The following IPO4 variants were observed in gnomAD, a reference collection of about 807,000 sequenced individuals.
The protein encoded by IPO4 is importin-4.
IPO4 carries 91 observed loss-of-function variants against 133.5 expected under a neutral mutation model. That is an observed-to-expected ratio of 0.68 (90% CI 0.58 to 0.81). The LOEUF is 0.81. IPO4 is among the 30% of genes least tolerant of loss of function. The probability of loss-of-function intolerance (pLI) is 0.00; values close to 1 mark genes in which losing one functional copy is unlikely to be tolerated. For synonymous variants in IPO4, 607 were observed against 581.6 expected (o/e 1.04, Z -0.63); for missense variants, 1,279 against 1,386.2 (o/e 0.92, Z 1.23).
Position 24,185,974 on chromosome 14 carries a change from G to C in IPO4, c.1060-4C>G, listed in dbSNP as rs761093614. The C allele has an allele frequency of 2.5e-6, 4 of 1,613,182 alleles. No homozygotes were observed. In the African/African-American group the frequency reaches 5.3e-5, roughly 22 times the overall value. On this transcript the variant is annotated splice_polypyrimidine_tract_variant and splice_region_variant and intron_variant, in intron 11 of 29. Transcript: ENST00000354464. ...AAGCCTCTTCCAACATGGGCATCTA[G>C]GGAAGCATGTGGCACGCTTCTGAAA...
In IPO4 at chr14:24,182,183, A is replaced by C; in HGVS notation, c.2599-20T>G. On this transcript the variant is annotated intron_variant, in intron 25 of 29. Transcript: ENST00000354464. ...CTGTTTCTGATGGGGGAGAACAGGA[A>C]GGAGTACAGATCAGCCTGGGCCAAG... 2 of 1,614,076 alleles carry C rather than the reference A, an allele frequency of 1.2e-6. No individual in the cohort carries two copies. Among genetic ancestry groups the C allele is most frequent in the Non-Finnish European group, 1.7e-6 (2 of 1,179,958 alleles).
Position 24,186,180 on chromosome 14 carries a change from A to G in IPO4, c.1008T>C (p.Val336=). 6.2e-7 allele frequency: 1 copy of G among 1,613,922 alleles called. No individual in the cohort carries two copies. The highest frequency in any genetic ancestry group is 8.5e-7 in the Non-Finnish European group (1 of 1,179,916). ...GCAGGTGTAGTGCCAGCATGTCCACAACCTGAGATGGGATGGGGAGACTTA... is the reference window on the plus strand; with the variant it reads ...GCAGGTGTAGTGCCAGCATGTCCACGACCTGAGATGGGATGGGGAGACTTA... ...GETPKHFAVQ[V]VDMLALHLPP... The change falls in exon 11 of 30, where the codon GTT becomes GTC. Residue 336 remains valine (V), a splice_region_variant and synonymous_variant. Transcript: ENST00000354464.
At position 24,185,807 on chromosome 14, in the gene IPO4, C is replaced by T. The variant is rs2039211608; in HGVS notation, c.1169+54G>A. On this transcript the variant is annotated intron_variant, in intron 12 of 29. Coordinates refer to ENST00000354464, the MANE Select transcript of IPO4 (RefSeq NM_024658.4). ...CTTGAACAACAAGCGTAAACCAGGA[C>T]AGCCATGGTCCTCCCTGTGGGCAAC... 5 of 1,339,616 alleles carry T rather than the reference C, an allele frequency of 3.7e-6. No homozygotes were observed. In the South Asian group the frequency reaches 4.7e-5, roughly 12 times the overall value. The allele number at this position is 1,339,616 out of a possible 1,614,324, so 83.0% of individuals were successfully genotyped here.
chr14:24,182,564 C>A (rs1555352665), intron 24 of IPO4, 161 bp from the exon 25 acceptor site: 1 of 1,065,426 alleles, frequency 9.4e-7, no homozygotes, highest in Non-Finnish European at 1.4e-6. Flanking sequence ...GCTTCTTCCC[C>A]TGGCTCTTCT....
rs1446346951 is a variant in IPO4 at position 24,186,343 on chromosome 14, CTTCTGAA to C, written c.942_948del (p.Asp314GlufsTer9). On this transcript the variant is annotated frameshift_variant, in exon 10 of 30. Transcript: ENST00000354464. LOFTEE classifies it high-confidence loss of function. The stretch of plus-strand genomic sequence containing the variant: ...ATCAGCTCAATCTCCAACTCTTCCT[CTTCTGAA>C]TCCTGGTCCTCGGGATCCAACTGGC... 1.9e-6 allele frequency: 3 copies of C among 1,613,052 alleles called. No homozygotes were observed. Among genetic ancestry groups the C allele is most frequent in the Non-Finnish European group, 2.5e-6 (3 of 1,179,492 alleles).
chr14:24,182,601 C>T (rs1180205211), intron 24 of IPO4, 191 bp downstream of exon 24: 8 of 947,246 alleles, frequency 8.4e-6, no homozygotes, highest in Non-Finnish European at 1.2e-5. Flanking sequence ...CCAAGCACAC[C>T]CCAGTCCACA....
chr14:24,186,046 T>C (rs1458371613), intron 11 of IPO4, 76 bp from the exon 12 acceptor site: 3 of 1,596,500 alleles, frequency 1.9e-6, no homozygotes, highest in Non-Finnish European at 2.6e-6. Context: ...CCTTCACACC[T>C]CCCAGGGTCT....
rs1217739741 is a variant in IPO4 at position 24,182,393 on chromosome 14, T to C, written c.2483A>G (p.Asp828Gly). 2 of 1,611,202 alleles carry C rather than the reference T, an allele frequency of 1.2e-6. No individual in the cohort carries two copies. The highest frequency in any genetic ancestry group is 1.7e-6 in the Non-Finnish European group (2 of 1,178,938). Residue 828 changes from aspartate to glycine, a missense_variant, in exon 25 of 30, where the codon GAC (aspartate) becomes GGC (glycine). Around this residue, in one of 3 missense-constraint regions of IPO4, gnomAD observed 575 missense variants for 653.4 expected, o/e 0.88. Coordinates refer to ENST00000354464, the MANE Select transcript of IPO4 (RefSeq NM_024658.4). ...EEEDDDQAEY[D>G]AMLLEHAGEA... Reference sequence around the variant, plus strand: ...TCCAGCGTGCTCCAGCAACATGGCGTCGTATTCAGCCTGTGGAGCCAGGTC... The same window carrying C: ...TCCAGCGTGCTCCAGCAACATGGCGCCGTATTCAGCCTGTGGAGCCAGGTC...
chr14:24,185,517 G>A lies in IPO4; in HGVS notation c.1220C>T (p.Ser407Leu), dbSNP rs533823461. Residue 407 changes from serine to leucine, a missense_variant, in exon 13 of 30, where the codon TCG becomes TTG. Coordinates refer to ENST00000354464, the MANE Select transcript of IPO4 (RefSeq NM_024658.4). ...QIVCKGLEDP[S>L]QVVRNAALFA... ...CAGCGCAGCATTGCGTACAACTTGC[G>A]AGGGGTCCTCCAGGCCCTTGCACAC... is the stretch of plus-strand genomic sequence containing the variant. 11 of 1,614,190 alleles carry A rather than the reference G, an allele frequency of 6.8e-6. No homozygotes were observed. The highest frequency in any genetic ancestry group is 4.5e-5 in the East Asian group (2 of 44,888).
rs1223567783 is a variant in IPO4, at chr14:24,184,189, C to G, written c.1758-80G>C. ...GATGGGGGAGCCCGGGAACACCTGG[C>G]TATGGTCCAAACCAGACGACTGGAG... On this transcript the variant is annotated intron_variant, in intron 17 of 29. Coordinates refer to ENST00000354464, the MANE Select transcript of IPO4 (RefSeq NM_024658.4). 3 of 1,568,604 alleles carry G rather than the reference C, an allele frequency of 1.9e-6. No individual in the cohort carries two copies. In the African/African-American group the frequency reaches 4.1e-5, roughly 21 times the overall value.
In IPO4 at chr14:24,183,495, GT is replaced by G. The variant is rs1468509545; in HGVS notation, c.2081del (p.Tyr694SerfsTer18). 1.2e-6 allele frequency: 2 copies of G among 1,613,912 alleles called. No homozygotes were observed. The highest frequency in any genetic ancestry group is 1.7e-6 in the Non-Finnish European group (2 of 1,179,914). ...SVNTSVAFLPYMESVFEEVFK... is the reference protein window; with the variant it reads ...SVNTSVAFLPXMESVFEEVFK... ...ATACTTCTTCAAAGACACTTTCCAT[GT>G]ATGGAAGGAAGGCCACACTACAGAG... On this transcript the variant is annotated frameshift_variant, in exon 21 of 30. Transcript: ENST00000354464. LOFTEE classifies it high-confidence loss of function.
intron 24 of IPO4, 178 bp from the exon 25 acceptor site, chr14:24,182,581 A>T: frequency 2.0e-6 from 2 of 985,784 alleles, no homozygotes; most frequent in Non-Finnish European, 3.1e-6. Context: ...TTCTGCTCCT[A>T]CCTATCACTC....
Position 24,185,572 on chromosome 14 carries a change from A to T in IPO4, c.1170-5T>A, listed in dbSNP as rs1034874820. On this transcript the variant is annotated splice_region_variant and splice_polypyrimidine_tract_variant and intron_variant, in intron 12 of 29. Coordinates refer to ENST00000354464, the MANE Select transcript of IPO4 (RefSeq NM_024658.4). ...TGCAGCAGTGGGGGCAGCAGTCTGGATGGGGCAAACAAGAGGACATAGGCT... is the reference window on the plus strand; with the variant it reads ...TGCAGCAGTGGGGGCAGCAGTCTGGTTGGGGCAAACAAGAGGACATAGGCT... 1.9e-6 allele frequency: 3 copies of T among 1,612,570 alleles called. No homozygotes were observed. The highest frequency in any genetic ancestry group is 8.5e-7 in the Non-Finnish European group (1 of 1,178,650).
At position 24,180,540 on chromosome 14, in the gene IPO4, A is replaced by G; in HGVS notation, c.3148T>C (p.Phe1050Leu). 1 of 1,614,086 alleles carries G rather than the reference A, an allele frequency of 6.2e-7. No individual in the cohort carries two copies. ...TKAALLLLLTFLAKQHTDSFQ... is the reference protein window; with the variant it reads ...TKAALLLLLTLLAKQHTDSFQ... The stretch of plus-strand genomic sequence containing the variant: ...CTGTCGGTGTGCTGTTTGGCCAGGA[A>G]CGTCAGGAGCAGCAACAGTGCGGCC... Residue 1050 changes from phenylalanine to leucine, a missense_variant, in exon 30 of 30, where the codon TTC becomes CTC. Phe to Leu is a conservative substitution (Grantham distance 22). This residue lies in a region of IPO4 where 575 missense variants were observed against 653.4 expected (regional missense o/e 0.88). Coordinates refer to ENST00000354464, the MANE Select transcript of IPO4 (RefSeq NM_024658.4).
At chr14:24,182,455 C>T in intron 24 of IPO4, 52 bp from the exon 25 acceptor site, 1 of 1,578,776 alleles carries the variant, frequency 6.3e-7, no homozygotes, top group Non-Finnish European at 8.6e-7. Flanking sequence ...AGTGACTGTA[C>T]ACCTCCCTCC....
Position 24,183,836 on chromosome 14 carries a change from C to T in IPO4, c.1932G>A (p.Glu644=). 1.2e-6 allele frequency: 2 copies of T among 1,614,140 alleles called. No homozygotes were observed. Among genetic ancestry groups the T allele is most frequent in the Non-Finnish European group, 8.5e-7 (1 of 1,180,020 alleles). The change falls in exon 19 of 30, where the codon GAG becomes GAA. Residue 644 remains glutamate, a synonymous_variant. Transcript: ENST00000354464. ...CCACATCCTCATCCATGAGCTCCTCCTCTTCTTCCCCATCACTCTCATCGT... is the reference window on the plus strand; with the variant it reads ...CCACATCCTCATCCATGAGCTCCTCTTCTTCTTCCCCATCACTCTCATCGT... ...LFDDESDGEE[E]EELMDEDVEE...
In IPO4 at chr14:24,184,996, C is replaced by T. The variant is rs1271745199; in HGVS notation, c.1409-16G>A. On this transcript the variant is annotated splice_polypyrimidine_tract_variant and intron_variant, in intron 14 of 29. Coordinates refer to ENST00000354464, the MANE Select transcript of IPO4 (RefSeq NM_024658.4). ...ACCTTGGGCCCTGTGGGAAAGGATG[C>T]TCCTCTACCAACCAACCCAGGTCTG... 1.9e-6 allele frequency: 3 copies of T among 1,611,094 alleles called. No homozygotes were observed. Among genetic ancestry groups the T allele is most frequent in the Non-Finnish European group, 2.5e-6 (3 of 1,178,200 alleles).
At chr14:24,181,386 G>C (rs758816055) in intron 28 of IPO4, 127 bp downstream of exon 28, 4 of 722,310 alleles carry the variant, frequency 5.5e-6, no homozygotes, top group African/African-American at 1.7e-5. Context: ...CAAAAGAACA[G>C]CTGAAACTGT....
chr14:24,182,320 G>C lies in IPO4; in HGVS notation c.2556C>G (p.Ala852=), dbSNP rs1792615436. Residue 852 remains alanine (A), a synonymous_variant, in exon 25 of 30, where the codon GCC becomes GCG. Transcript: ENST00000354464. ...LAAAAGGDSF[A]PFFAGFLPLL... ...ATGGCAGGAAACCGGCAAAGAATGG[G>C]GCAAAGGAGTCTCCCCCAGCCGCGG... 1 of 1,613,884 alleles carries C rather than the reference G, an allele frequency of 6.2e-7. No homozygotes were observed. The highest frequency in any genetic ancestry group is 1.3e-5 in the African/African-American group (1 of 74,920).
Sources: gnomAD v4.1 joint callset for allele counts on GRCh38, gnomAD v4.1.1 for gene constraint, gnomAD v4.1.1 regional missense constraint, MANE v1.5 for transcripts, NCBI Gene and HGNC (gene_info 2026-07-23, HGNC 2026-07-21) for gene names.